PPP2R2C: variants seen among roughly 807,000 people sequenced by gnomAD.
PPP2R2C encodes the protein protein phosphatase 2, regulatory subunit B, gamma.
In PPP2R2C, 10 loss-of-function variants were observed where a neutral mutation model predicts 45.3. That is an observed-to-expected ratio of 0.22 (90% confidence interval 0.14 to 0.37). The LOEUF (loss-of-function observed/expected upper bound fraction) is 0.37, where lower values mean the gene tolerates loss of function less well. Among genes scored for constraint, PPP2R2C ranks in the 10% least tolerant of loss-of-function variants. The pLI is 1.00. For missense variants in PPP2R2C, 308 were observed against 619.7 expected (o/e 0.50, Z 5.34); for synonymous variants, 257 against 245.4 (o/e 1.05, Z -0.44).
intron 1 of PPP2R2C, among the ~76,000 whole-genome samples, chr4:6,470,865 C>T (rs1167268770): frequency 1.3e-5 from 2 of 152,006 alleles, no homozygotes; most frequent in African/African-American, 2.4e-5. Flanking sequence ...CAGCGGTTCT[C>T]CCGCCGGGAG....
chr4:6,402,670 G>C (rs952562485), intron 1 of PPP2R2C, among the ~76,000 whole-genome samples: 14 of 152,210 alleles, frequency 9.2e-5, no homozygotes, highest in African/African-American at 3.4e-4. Flanking sequence ...GCACCACATG[G>C]CATGGCCAGG....
chr4:6,384,287 T>A (rs1015134389), intron 1 of PPP2R2C: 1 of 985,388 alleles, frequency 1.0e-6, no homozygotes, highest in Non-Finnish European at 1.2e-6. Flanking sequence ...AAATTGGGTA[T>A]AAAATGCTTG....
At chr4:6,482,351 A>G (rs1044032946) in intron 2 of PPP2R2C, among the ~76,000 whole-genome samples, 2 of 152,230 alleles carry the variant, frequency 1.3e-5, no homozygotes, top group African/African-American at 4.8e-5. Flanking sequence ...AATTTTCCCA[A>G]GCCAGGAAGC....
At position 6,411,244 on chromosome 4, in the gene PPP2R2C, A is replaced by G. The variant is rs138774431; in HGVS notation, c.71-30150T>C. Among the ~76,000 whole-genome samples, 643 of 152,282 alleles carry G rather than the reference A, an allele frequency of 4.2e-3. 5 individuals are homozygous for G. Among genetic ancestry groups the G allele is most frequent in the African/African-American group, 0.014 (585 of 41,554 alleles). ...GTAACGTGCCCACAGTCACACAGCC[A>G]GGAAGTGGTGGGGCCAGGACTCCAG... On this transcript the variant is annotated intron_variant, in intron 1 of 8. Coordinates refer to ENST00000382599, the MANE Select transcript of PPP2R2C (RefSeq NM_020416.4).
intron 1 of PPP2R2C, among the ~76,000 whole-genome samples, chr4:6,408,385 T>C (rs1717940225): frequency 6.6e-6 from 1 of 152,170 alleles, no homozygotes; most frequent in South Asian, 2.1e-4. Flanking sequence ...CACATCCCCA[T>C]GCTGCCCTCC....
At chr4:6,454,586 T>A (rs887619857) in intron 1 of PPP2R2C, among the ~76,000 whole-genome samples, 1 of 152,182 alleles carries the variant, frequency 6.6e-6, no homozygotes, top group Non-Finnish European at 1.5e-5. Context: ...CTTGGAAGAC[T>A]CATGGGTGGC....
chr4:6,466,258 A>G (rs77946058), intron 1 of PPP2R2C, among the ~76,000 whole-genome samples: 11,381 of 152,240 alleles, frequency 0.075, 779 homozygotes, highest in East Asian at 0.35. Flanking sequence ...CCCTCTGCTC[A>G]TTCCCAGGCT....
chr4:6,384,904 G>T, intron 1 of PPP2R2C: 1 of 956,486 alleles, frequency 1.0e-6, no homozygotes, highest in Non-Finnish European at 1.2e-6. Flanking sequence ...CAGCTGTGTG[G>T]TCTTGGGTAA....
At chr4:6,540,384 T>C (rs1724770029) in intron 1 of PPP2R2C, among the ~76,000 whole-genome samples, 1 of 152,196 alleles carries the variant, frequency 6.6e-6, no homozygotes, top group Admixed American at 6.5e-5. Context: ...GGTTCATTGA[T>C]GTTGTAGCGT....
chr4:6,461,533 A>G (rs189741309), intron 1 of PPP2R2C, among the ~76,000 whole-genome samples: 34 of 152,128 alleles, frequency 2.2e-4, no homozygotes, highest in Admixed American at 4.6e-4. Context: ...CCTTCCCCAT[A>G]CCCTCTTCCC....
At chr4:6,473,902 C>G (rs563462559), upstream of PPP2R2C, among the ~76,000 whole-genome samples, 10 of 152,292 alleles carry the variant, frequency 6.6e-5, no homozygotes, top group Admixed American at 3.3e-4. Flanking sequence ...GCAGCCCCAC[C>G]AGCACTCTGC....
intron 1 of PPP2R2C, among the ~76,000 whole-genome samples, chr4:6,417,370 G>A (rs917266183): frequency 7.9e-5 from 12 of 152,252 alleles, no homozygotes; most frequent in Admixed American, 7.2e-4. Context: ...TTGTTCCACT[G>A]TCTGCTGACC....
chr4:6,337,110 G>GTATATATATATA (rs1207923428), intron 6 of PPP2R2C, among the ~76,000 whole-genome samples: 8 of 41,478 alleles, frequency 1.9e-4, no homozygotes, highest in Non-Finnish European at 2.7e-4. Context: ...GTATGTGTGT[G>GTATATATATATA]TGTATATATA....
chr4:6,405,722 ACAT>A (rs1408445613), intron 1 of PPP2R2C, among the ~76,000 whole-genome samples: 1 of 152,180 alleles, frequency 6.6e-6, no homozygotes, highest in Non-Finnish European at 1.5e-5. Flanking sequence ...TGACATGACA[ACAT>A]CACGAAAACC....
At chr4:6,449,468 A>C (rs562410837) in intron 1 of PPP2R2C, among the ~76,000 whole-genome samples, 1 of 152,290 alleles carries the variant, frequency 6.6e-6, no homozygotes, top group South Asian at 2.1e-4. Flanking sequence ...TTTCCACTAA[A>C]TATGTGCTGG....
Position 6,364,360 on chromosome 4 carries a change from G to A in PPP2R2C, c.625+8163C>T, listed in dbSNP as rs1714083136. 6.6e-6 allele frequency among the ~76,000 whole-genome samples: 1 copy of A among 152,238 alleles called. No individual in the cohort carries two copies. Among genetic ancestry groups the A allele is most frequent in the Admixed American group, 6.5e-5 (1 of 15,282 alleles). On this transcript the variant is annotated intron_variant, in intron 5 of 8. Coordinates refer to ENST00000382599, the MANE Select transcript of PPP2R2C (RefSeq NM_020416.4). The surrounding 1 kb of genome is among the most constrained non-coding windows in gnomAD (Gnocchi z 5.3). ...GGAGCAAAGGGAGAGAGGAGGAAGTGGGCCAGGGAGGGGCCAGGGCCAGCT... is the reference window on the plus strand; with the variant it reads ...GGAGCAAAGGGAGAGAGGAGGAAGTAGGCCAGGGAGGGGCCAGGGCCAGCT...
chr4:6,516,935 C>T (rs1167365657), intron 2 of PPP2R2C, among the ~76,000 whole-genome samples: 3 of 152,198 alleles, frequency 2.0e-5, no homozygotes, highest in Non-Finnish European at 4.4e-5. Context: ...GTAGGCAGGG[C>T]ACTGCCTCAC....
intron 1 of PPP2R2C, among the ~76,000 whole-genome samples, chr4:6,407,818 A>G (rs1388290320): frequency 6.6e-6 from 1 of 152,246 alleles, no homozygotes; most frequent in East Asian, 1.9e-4. Flanking sequence ...GATACAAAGT[A>G]AAGCCATCAT....
At chr4:6,375,242 C>T (rs903441084) in intron 4 of PPP2R2C, among the ~76,000 whole-genome samples, 1 of 152,160 alleles carries the variant, frequency 6.6e-6, no homozygotes, top group African/African-American at 2.4e-5. Flanking sequence ...TGTATTTAAA[C>T]ATTTATTTCT....
Sources: gnomAD v4.1 joint callset for allele counts (sites outside exome capture counted in the v4.1 genomes callset) on GRCh38, gnomAD v4.1.1 for gene constraint, Gnocchi (gnomAD v3.1) non-coding constraint, MANE v1.5 for transcripts, NCBI Gene and HGNC (gene_info 2026-07-23, HGNC 2026-07-21) for gene names.